MYOM2: variants seen among roughly 807,000 people sequenced by gnomAD.
The protein encoded by MYOM2 is myomesin-2.
MYOM2 carries 254 observed loss-of-function variants against 187.6 expected under a neutral mutation model. That is an observed-to-expected ratio of 1.35 (90% CI 1.22 to 1.50). The LOEUF is 1.50. Ranked by LOEUF, MYOM2 falls within the 40% of genes most tolerant of loss-of-function variation. The pLI is 0.00. For missense variants in MYOM2, 2,796 were observed against 1,924.0 expected (o/e 1.45, Z -8.48); for synonymous variants, 981 against 753.8 (o/e 1.30, Z -4.94).
intron 31 of MYOM2, among the ~76,000 whole-genome samples, chr8:2,128,795 G>A (rs998997214): frequency 2.6e-5 from 4 of 152,140 alleles, no homozygotes; most frequent in African/African-American, 4.8e-5. Context: ...GTTAACTCAC[G>A]TAGCATTTGC....
At chr8:2,096,039 A>C (rs773417802) in intron 17 of MYOM2, among the ~76,000 whole-genome samples, 3 of 152,136 alleles carry the variant, frequency 2.0e-5, no homozygotes, top group Non-Finnish European at 4.4e-5. Context: ...ATATGAGATA[A>C]ATTTTTATTT....
intron 31 of MYOM2, among the ~76,000 whole-genome samples, chr8:2,126,422 G>C (rs148448079): frequency 1.4e-5 from 2 of 142,754 alleles, no homozygotes; most frequent in East Asian, 4.6e-4. Flanking sequence ...TTCCCACTCA[G>C]ACATACACAC....
intron 32 of MYOM2, among the ~76,000 whole-genome samples, chr8:2,136,503 G>T (rs556637212): frequency 1.4e-4 from 22 of 152,194 alleles, no homozygotes; most frequent in Admixed American, 1.4e-3. Flanking sequence ...TCTTCCCCCA[G>T]ATTGTGTGGC....
chr8:2,077,002 TAGAC>T (rs371904296), intron 11 of MYOM2, among the ~76,000 whole-genome samples: 30 of 152,274 alleles, frequency 2.0e-4, no homozygotes, highest in African/African-American at 7.0e-4. Flanking sequence ...ATTTAGAAAT[TAGAC>T]AGAGAGTAAA....
chr8:2,080,728 G>C (rs757565058), intron 13 of MYOM2, among the ~76,000 whole-genome samples: 1 of 152,200 alleles, frequency 6.6e-6, no homozygotes, highest in Non-Finnish European at 1.5e-5. Context: ...ATGGATATTT[G>C]AATGACTGAA....
intron 19 of MYOM2, among the ~76,000 whole-genome samples, chr8:2,099,550 T>C (rs192400770): frequency 1.5e-3 from 225 of 152,202 alleles, no homozygotes; most frequent in African/African-American, 5.3e-3. Flanking sequence ...CTAAAAGGCA[T>C]CATTGTTGCA....
At chr8:2,107,322 G>A (rs1796928092) in intron 23 of MYOM2, among the ~76,000 whole-genome samples, 1 of 152,124 alleles carries the variant, frequency 6.6e-6, no homozygotes, top group African/African-American at 2.4e-5. Flanking sequence ...TCAGATTTCT[G>A]GGTTTCTTTG....
Position 2,106,545 on chromosome 8 carries a change from G to A in MYOM2, c.2946G>A (p.Val982=), listed in dbSNP as rs764982359. The change falls in exon 23 of 37, where the codon GTG becomes GTA. Residue 982 remains valine (V), a synonymous_variant. Coordinates refer to ENST00000262113, the MANE Select transcript of MYOM2 (RefSeq NM_003970.4). ...PDKEDLGTYS[V]SVSDTDGVSS... is the part of the protein sequence containing the mutation. The stretch of plus-strand genomic sequence containing the variant: ...AGGAGGATTTAGGGACTTACTCCGT[G>A]TCTGTAAGTGATACAGACGGAGTGT... 3.7e-6 allele frequency: 6 copies of A among 1,612,172 alleles called. No homozygotes were observed. The highest frequency in any genetic ancestry group is 2.2e-5 in the East Asian group (1 of 44,784).
intron 21 of MYOM2, among the ~76,000 whole-genome samples, chr8:2,105,275 G>A (rs1036350645): frequency 3.3e-5 from 5 of 152,122 alleles, no homozygotes; most frequent in Admixed American, 3.3e-4. Context: ...CTGCCACCTG[G>A]CTTTCCTTGC....
In MYOM2 at chr8:2,069,218, C is replaced by T. The variant is rs569725468; in HGVS notation, c.654-60C>T. 98 of 1,505,806 alleles carry T rather than the reference C, an allele frequency of 6.5e-5. No homozygotes were observed. In the South Asian group the frequency reaches 9.2e-4, roughly 14 times the overall value. The allele number at this position is 1,505,806 out of a possible 1,614,324, so 93.3% of individuals were successfully genotyped here. Reference sequence around the variant, plus strand: ...TTTCGAGGAATGCTTTTGTGCAATTCGGGTCACTGACTTTTACACAACAGT... The same window carrying T: ...TTTCGAGGAATGCTTTTGTGCAATTTGGGTCACTGACTTTTACACAACAGT... On this transcript the variant is annotated intron_variant, in intron 6 of 36. Coordinates refer to ENST00000262113, the MANE Select transcript of MYOM2 (RefSeq NM_003970.4).
intron 14 of MYOM2, among the ~76,000 whole-genome samples, chr8:2,088,447 A>C (rs909426726): frequency 6.6e-6 from 1 of 152,170 alleles, no homozygotes; most frequent in Non-Finnish European, 1.5e-5. Context: ...GGTAGGCCTC[A>C]GTGTCTATCG....
At chr8:2,082,255 A>G (rs1819655415) in intron 13 of MYOM2, 2 of 152,236 alleles carry the variant, frequency 1.3e-5, no homozygotes, top group Admixed American at 1.3e-4. Flanking sequence ...GCCATTTTAA[A>G]CAAGGAATAT....
intron 5 of MYOM2, among the ~76,000 whole-genome samples, chr8:2,058,072 G>A (rs1218567451): frequency 1.5e-5 from 2 of 129,588 alleles, no homozygotes; most frequent in African/African-American, 5.9e-5. Context: ...AGGCTGGAGT[G>A]TGATGGTGTG....
chr8:2,118,081 C>T (rs755035163), intron 28 of MYOM2, 129 bp downstream of exon 28: 5 of 705,234 alleles, frequency 7.1e-6, no homozygotes, highest in East Asian at 2.7e-5. Flanking sequence ...TGTGTAGCTG[C>T]GGATGGGCGG....
intron 23 of MYOM2, 113 bp from the exon 24 acceptor site, chr8:2,108,673 C>T (rs919405581): frequency 2.3e-5 from 23 of 994,176 alleles, no homozygotes; most frequent in Non-Finnish European, 3.2e-5. Flanking sequence ...CTTTCGTGTC[C>T]TCCAATTAAA....
chr8:2,120,661 T>TTATATATATATA (rs1797398200), intron 28 of MYOM2, among the ~76,000 whole-genome samples: 1 of 15,128 alleles, frequency 6.6e-5, no homozygotes, highest in South Asian at 1.6e-3. Flanking sequence ...ATTTCCTGTA[T>TTATATATATATA]ATATATATAT....
chr8:2,048,891 G>A (rs1039171703), intron 1 of MYOM2, among the ~76,000 whole-genome samples: 2 of 151,602 alleles, frequency 1.3e-5, no homozygotes, highest in South Asian at 2.1e-4. Context: ...CCAGGTTCAC[G>A]CCATTCTCCT....
chr8:2,115,795 T>G (rs1341863133), intron 25 of MYOM2, among the ~76,000 whole-genome samples, 165 bp from the exon 26 acceptor site: 1 of 152,218 alleles, frequency 6.6e-6, no homozygotes, highest in Non-Finnish European at 1.5e-5. Context: ...ATACCCACTG[T>G]TTGATCCTTG....
At chr8:2,095,351 G>A (rs889639611) in intron 17 of MYOM2, among the ~76,000 whole-genome samples, 7 of 148,900 alleles carry the variant, frequency 4.7e-5, no homozygotes, top group Middle Eastern at 3.5e-3. Flanking sequence ...GGGTGCAGTC[G>A]TGTGATCACA....
Sources: gnomAD v4.1 joint callset for allele counts (sites outside exome capture counted in the v4.1 genomes callset) on GRCh38, gnomAD v4.1.1 for gene constraint, MANE v1.5 for transcripts, NCBI Gene and HGNC (gene_info 2026-07-23, HGNC 2026-07-21) for gene names.